The following CFAP92 variants were observed in gnomAD, a reference collection of about 807,000 sequenced individuals.
The protein encoded by CFAP92 is cilia and flagella associated protein 92 (putative).
Under a neutral mutation model 106.3 loss-of-function variants are expected in CFAP92, and 86 were observed. The ratio of observed to expected loss-of-function variants is 0.81; its 90% confidence interval spans 0.68 to 0.97. The LOEUF (loss-of-function observed/expected upper bound fraction) is 0.97. CFAP92 is among the 50% of genes least tolerant of loss of function. The pLI is 0.00. For synonymous variants in CFAP92, 477 were observed against 506.4 expected (o/e 0.94, Z 0.78); for missense variants, 1,204 against 1,283.8 (o/e 0.94, Z 0.95).
intron 9 of CFAP92, among the ~76,000 whole-genome samples, chr3:128,949,683 G>A (rs1000845169): frequency 3.3e-5 from 5 of 152,146 alleles, no homozygotes; most frequent in African/African-American, 4.8e-5. Context: ...TGATCTATAC[G>A]TGATTTTATT....
At chr3:128,942,488 TC>T (rs1939739379) in intron 10 of CFAP92, among the ~76,000 whole-genome samples, 1 of 152,120 alleles carries the variant, frequency 6.6e-6, no homozygotes, top group African/African-American at 2.4e-5. Context: ...AAAGCCCCCA[TC>T]CCGAAGCACC....
At chr3:128,947,412 G>C (rs1940334404) in intron 9 of CFAP92, among the ~76,000 whole-genome samples, 2 of 152,120 alleles carry the variant, frequency 1.3e-5, no homozygotes, top group East Asian at 3.8e-4. Flanking sequence ...TCTAAAATTT[G>C]TATAGAAGAG....
chr3:128,959,180 A>C (rs897737581), intron 9 of CFAP92, among the ~76,000 whole-genome samples: 10 of 152,332 alleles, frequency 6.6e-5, no homozygotes, highest in African/African-American at 2.4e-4. Flanking sequence ...CCTGCACTCC[A>C]GCCTGGGCAA....
At chr3:128,958,782 T>C (rs1473731984) in intron 9 of CFAP92, among the ~76,000 whole-genome samples, 1 of 151,994 alleles carries the variant, frequency 6.6e-6, no homozygotes, top group Non-Finnish European at 1.5e-5. Context: ...GTGCCTGCAG[T>C]CTCAGCTACT....
At chr3:128,947,319 CCAAT>C (rs1357461903) in intron 9 of CFAP92, among the ~76,000 whole-genome samples, 3 of 152,060 alleles carry the variant, frequency 2.0e-5, no homozygotes, top group South Asian at 2.1e-4. Flanking sequence ...TCTCCTCAAA[CCAAT>C]CAGTTTATAG....
chr3:128,933,031 T>C, intron 11 of CFAP92, 34 bp from the exon 12 acceptor site: 1 of 1,530,192 alleles, frequency 6.5e-7, no homozygotes, highest in South Asian at 1.2e-5. Context: ...ACTGAACCTC[T>C]CCTACCTTGC....
At chr3:128,982,148 G>A (rs1015192848) in intron 4 of CFAP92, among the ~76,000 whole-genome samples, 1 of 152,258 alleles carries the variant, frequency 6.6e-6, no homozygotes, top group Admixed American at 6.5e-5. Flanking sequence ...GCTTCTTCCA[G>A]TAGAAGGCTG....
intron 9 of CFAP92, among the ~76,000 whole-genome samples, chr3:128,948,229 G>A (rs1399019502): frequency 6.6e-6 from 1 of 151,920 alleles, no homozygotes; most frequent in African/African-American, 2.4e-5. Flanking sequence ...GTCTTGCTCT[G>A]TTGCCCCGGG....
Position 128,953,566 on chromosome 3 carries a change from G to GGTCTCC in CFAP92, c.1354-7597_1354-7592dup, listed in dbSNP as rs1304797303. 1.5e-4 allele frequency among the ~76,000 whole-genome samples: 20 copies of GGTCTCC among 135,610 alleles called. No homozygotes were observed. In the East Asian group the frequency reaches 1.5e-3, roughly 10 times the overall value. The allele number at this position is 135,610 out of a possible 152,430, so 89.0% of individuals were successfully genotyped here. On this transcript the variant is annotated intron_variant, in intron 9 of 15. Coordinates refer to ENST00000645291, the MANE Select transcript of CFAP92 (RefSeq NM_001394090.1). ...TCACTCGCTTAAGAAGCAGCAACAC[G>GGTCTCC]GTCTCCCTCTCCCTCTCCCTCTCCC...
At position 128,915,505 on chromosome 3, in the gene CFAP92, A is replaced by G; in HGVS notation, c.2975T>C (p.Leu992Pro). ...TTTCTTCTCCTCTTCCTTCAAGTCC[A>G]GGGGCTCCACCATGGCTGAGAGGTA... ...QDYLSAMVEP[L>P]DLKEEEKKAQ... is the part of the protein sequence containing the mutation. The change falls in exon 14 of 16, where the codon CTG becomes CCG. Residue 992 changes from leucine (L) to proline (P), a missense_variant. Leu to Pro is a moderately conservative substitution (Grantham distance 98). Transcript: ENST00000645291. 6.5e-7 allele frequency: 1 copy of G among 1,535,978 alleles called. No homozygotes were observed. The highest frequency in any genetic ancestry group is 1.2e-5 in the South Asian group (1 of 84,036).
At chr3:128,980,374 A>G (rs1943454221) in intron 4 of CFAP92, among the ~76,000 whole-genome samples, 1 of 151,648 alleles carries the variant, frequency 6.6e-6, no homozygotes, top group Non-Finnish European at 1.5e-5. Flanking sequence ...CTCAAAAAAA[A>G]AAAAAAAAAA....
chr3:128,929,602 C>T (rs1938107853), intron 12 of CFAP92, among the ~76,000 whole-genome samples: 1 of 152,184 alleles, frequency 6.6e-6, no homozygotes, highest in African/African-American at 2.4e-5. Flanking sequence ...AAAGAACACA[C>T]CGCTGATATA....
At position 128,915,287 on chromosome 3, in the gene CFAP92, GAGTA is replaced by G. The variant is rs1377791273; in HGVS notation, c.3124-16_3124-13del. 2 of 1,536,054 alleles carry G rather than the reference GAGTA, an allele frequency of 1.3e-6. No homozygotes were observed. The highest frequency in any genetic ancestry group is 1.4e-5 in the African/African-American group (1 of 73,168). ...TTTTCCTTCCACTCCTAAATTGGGG[GAGTA>G]AGTAAATCAGGAGGAGAAAGGTCCC... On this transcript the variant is annotated splice_polypyrimidine_tract_variant and intron_variant, in intron 14 of 15. Transcript: ENST00000645291.
Position 128,945,372 on chromosome 3 carries a change from G to C in CFAP92, c.1957C>G (p.Leu653Val), listed in dbSNP as rs1353664559. 3 of 1,536,128 alleles carry C rather than the reference G, an allele frequency of 2.0e-6. No individual in the cohort carries two copies. Among genetic ancestry groups the C allele is most frequent in the Non-Finnish European group, 2.6e-6 (3 of 1,146,904 alleles). ...RAGARAADPDLGGSQFGRIIF... is the reference protein window; with the variant it reads ...RAGARAADPDVGGSQFGRIIF... ...ATGCGGCCAAACTGGGAGCCCCCAA[G>C]GTCAGGATCAGCAGCTCTGGCCCCG... The change falls in exon 10 of 16, where the codon CTT (leucine) becomes GTT (valine). Residue 653 changes from leucine to valine, a missense_variant. Transcript: ENST00000645291.
intron 13 of CFAP92, 52 bp downstream of exon 13, chr3:128,916,055 T>C (rs924618628): frequency 3.3e-5 from 40 of 1,210,356 alleles, no homozygotes; most frequent in Non-Finnish European, 3.9e-5. Context: ...ATGGTCAGAA[T>C]AAAGAACTCA....
chr3:128,973,100 T>C (rs1942919205), intron 7 of CFAP92, among the ~76,000 whole-genome samples: 1 of 152,228 alleles, frequency 6.6e-6, no homozygotes, highest in Non-Finnish European at 1.5e-5. Context: ...ATAAGTTATA[T>C]ACCCCTGTCT....
the CFAP92 span, among the ~76,000 whole-genome samples, chr3:129,011,534 G>A: frequency 1.1e-3 from 163 of 148,798 alleles, 5 homozygotes; most frequent in Non-Finnish European, 1.8e-4. Flanking sequence ...CTGGGTGACA[G>A]AGCAAGACTC....
upstream of CFAP92, chr3:129,003,732 C>T (rs955312138): frequency 2.3e-5 from 30 of 1,280,564 alleles, no homozygotes; most frequent in South Asian, 4.5e-4. Flanking sequence ...TCGTGGCGGG[C>T]GTTCGTCTGG....
chr3:128,984,263 T>A (rs1485110771), intron 4 of CFAP92, among the ~76,000 whole-genome samples: 1 of 152,162 alleles, frequency 6.6e-6, no homozygotes, highest in Non-Finnish European at 1.5e-5. Flanking sequence ...TGATCCTGCT[T>A]GTATCTGTGA....
Sources: gnomAD v4.1 joint callset for allele counts (sites outside exome capture counted in the v4.1 genomes callset) on GRCh38, gnomAD v4.1.1 for gene constraint, MANE v1.5 for transcripts, NCBI Gene and HGNC (gene_info 2026-07-23, HGNC 2026-07-21) for gene names.